The following SPEF2 variants were observed in gnomAD, a reference collection of about 807,000 sequenced individuals.
The protein encoded by SPEF2 is sperm flagellar and cilia associated 2.
Under a neutral mutation model 224.6 loss-of-function variants are expected in SPEF2, and 187 were observed. The ratio of observed to expected loss-of-function variants is 0.83; its 90% CI spans 0.74 to 0.94. SPEF2 has a LOEUF of 0.94. SPEF2 is among the 40% of genes least tolerant of loss of function. The pLI, the probability that SPEF2 is intolerant of heterozygous loss-of-function variation, is 0.00. For missense variants in SPEF2, 2,170 were observed against 2,135.6 expected, an observed-to-expected ratio of 1.02 and a Z score of -0.32; for synonymous variants, 715 against 707.3, an observed-to-expected ratio of 1.01 and a Z score of -0.17.
In SPEF2 at chr5:35,663,977, C is replaced by A. The variant is rs575156219; in HGVS notation, c.1168-3095C>A. Among the ~76,000 whole-genome samples, 12 of 152,272 alleles carry A rather than the reference C, an allele frequency of 7.9e-5. No homozygotes were observed. The East Asian group carries it at 2.3e-3, about 29-fold the overall frequency. On this transcript the variant is annotated intron_variant, in intron 8 of 36. Coordinates refer to ENST00000356031, the MANE Select transcript of SPEF2 (RefSeq NM_024867.4). ...CCTCTGAGGCTTCATTGCCCCCCTT[C>A]ATTTTCATTGCCTGGGTTCTGGCCA...
chr5:35,802,737 A>G (rs1757595183), intron 34 of SPEF2, among the ~76,000 whole-genome samples: 1 of 152,204 alleles, frequency 6.6e-6, no homozygotes, highest in Non-Finnish European at 1.5e-5. Context: ...TGCTCTGAGA[A>G]CTAGGGCTAG....
intron 2 of SPEF2, among the ~76,000 whole-genome samples, chr5:35,629,381 T>C (rs553205831): frequency 6.6e-6 from 1 of 151,924 alleles, no homozygotes; most frequent in Non-Finnish European, 1.5e-5. Context: ...ATGGTCTCGA[T>C]CTCCTGACCT....
At position 35,671,148 on chromosome 5, in the gene SPEF2, A is replaced by G. The variant is rs1467635082; in HGVS notation, c.1524+921A>G. 3 of 985,414 alleles carry G rather than the reference A, an allele frequency of 3.0e-6. No individual in the cohort carries two copies. In the African/African-American group the frequency reaches 5.2e-5, roughly 17 times the overall value. 61.0% of individuals were successfully genotyped at this position (985,414 alleles called of 1,614,324 possible). ...AGTGCAACATGAAAAAAATCTATGA[A>G]AAGATTATTTGACCTAATTATTCAC... On this transcript the variant is annotated intron_variant, in intron 10 of 36. Coordinates refer to ENST00000356031, the MANE Select transcript of SPEF2 (RefSeq NM_024867.4).
intron 2 of SPEF2, among the ~76,000 whole-genome samples, chr5:35,637,941 C>G (rs1475121482): frequency 6.6e-6 from 1 of 152,138 alleles, no homozygotes; most frequent in African/African-American, 2.4e-5. Flanking sequence ...TTATGACTTG[C>G]ACGTAACCAG....
At chr5:35,742,151 C>T (rs1460459729) in intron 23 of SPEF2, among the ~76,000 whole-genome samples, 1 of 152,150 alleles carries the variant, frequency 6.6e-6, no homozygotes, top group Non-Finnish European at 1.5e-5. Flanking sequence ...TCATCTACAA[C>T]ATCATTTTTA....
intron 10 of SPEF2, among the ~76,000 whole-genome samples, chr5:35,686,159 A>G (rs376356633): frequency 1.3e-5 from 2 of 152,146 alleles, no homozygotes; most frequent in African/African-American, 4.8e-5. Context: ...TTTTGAGGAG[A>G]CTTATGTGAT....
intron 30 of SPEF2, among the ~76,000 whole-genome samples, chr5:35,784,980 T>C (rs1056867402): frequency 4.6e-5 from 7 of 152,186 alleles, no homozygotes; most frequent in African/African-American, 1.4e-4. Flanking sequence ...TATGGATTTT[T>C]CCAGGCTTAG....
At chr5:35,632,907 C>G (rs1745329836) in intron 2 of SPEF2, 2 of 152,234 alleles carry the variant, frequency 1.3e-5, no homozygotes, top group African/African-American at 4.8e-5. Flanking sequence ...ATTACATCGT[C>G]ATTGGACAAC....
At chr5:35,741,559 A>G (rs1747643377) in intron 23 of SPEF2, among the ~76,000 whole-genome samples, 1 of 152,160 alleles carries the variant, frequency 6.6e-6, no homozygotes, top group Non-Finnish European at 1.5e-5. Flanking sequence ...GAATATAGCT[A>G]TTGATCTGAG....
intron 36 of SPEF2, among the ~76,000 whole-genome samples, chr5:35,811,836 A>G (rs1758554889): frequency 7.4e-6 from 1 of 134,380 alleles, no homozygotes; most frequent in Non-Finnish European, 1.5e-5. Context: ...GGATTGCTGG[A>G]TTCAGTGGTG....
rs368989931 is a variant in SPEF2, at chr5:35,670,148, C to T, written c.1445C>T (p.Pro482Leu). ...GAACAAGCCTCTGTTAAGACACTAC[C>T]TGCTAACCCCTCAAGAGAACAACTT... ...IYEQASVKTLPANPSREQLTE... is the reference protein window; with the variant it reads ...IYEQASVKTLLANPSREQLTE... Residue 482 changes from proline to leucine, a missense_variant, in exon 10 of 37, where the codon CCT (proline) becomes CTT (leucine). Physicochemically the swap from Pro to Leu is moderately conservative, Grantham distance 98. Coordinates refer to ENST00000356031, the MANE Select transcript of SPEF2 (RefSeq NM_024867.4). 1.2e-6 allele frequency: 2 copies of T among 1,612,324 alleles called. No homozygotes were observed. The highest frequency in any genetic ancestry group is 1.7e-6 in the Non-Finnish European group (2 of 1,178,904).
At chr5:35,776,524 C>A in intron 29 of SPEF2, 129 bp downstream of exon 29, 1 of 875,714 alleles carries the variant, frequency 1.1e-6, no homozygotes, top group Non-Finnish European at 1.7e-6. Context: ...TAGGAAATCA[C>A]GTGTATAAAC....
chr5:35,697,824 A>G, intron 15 of SPEF2, 31 bp downstream of exon 15: 1 of 1,465,370 alleles, frequency 6.8e-7, no homozygotes. Context: ...CCTCTCATCT[A>G]TTTAATATAT....
At chr5:35,626,370 G>A (rs1208776067) in intron 1 of SPEF2, among the ~76,000 whole-genome samples, 1 of 152,104 alleles carries the variant, frequency 6.6e-6, no homozygotes, top group Non-Finnish European at 1.5e-5. Context: ...TCTGTTTGTG[G>A]AAAAGCTTAC....
chr5:35,686,809 T>A (rs1162014933), intron 10 of SPEF2, among the ~76,000 whole-genome samples: 1 of 152,144 alleles, frequency 6.6e-6, no homozygotes, highest in Non-Finnish European at 1.5e-5. Context: ...CTGTTATTTT[T>A]ATTTTTCTGA....
chr5:35,693,536 G>A (rs974131893), intron 12 of SPEF2, among the ~76,000 whole-genome samples: 1 of 152,128 alleles, frequency 6.6e-6, no homozygotes, highest in Non-Finnish European at 1.5e-5. Context: ...GGGTGAATAG[G>A]AAAATGTAGC....
rs35129181 is a variant in SPEF2 at position 35,674,337 on chromosome 5, C to CTTT, written c.1524+4128_1524+4130dup. 8.3e-3 allele frequency among the ~76,000 whole-genome samples: 779 copies of CTTT among 94,366 alleles called. 6 individuals are homozygous for CTTT. Among genetic ancestry groups the CTTT allele is most frequent in the African/African-American group, 0.03 (733 of 24,256 alleles). 61.9% of individuals were successfully genotyped at this position (94,366 alleles called of 152,430 possible). A position where few individuals can be genotyped will look rare whatever the true frequency, so the allele number is the denominator to read the frequency against. On this transcript the variant is annotated intron_variant, in intron 10 of 36. Transcript: ENST00000356031. ...GAGTGAGCTCTTCTCTTTTCGTCTT[C>CTTT]TTTTTTTTTTTTTTTTTTTTGGTGT...
chr5:35,619,811 A>G (rs1053135246), intron 1 of SPEF2, among the ~76,000 whole-genome samples: 4 of 152,210 alleles, frequency 2.6e-5, no homozygotes, highest in Non-Finnish European at 5.9e-5. Context: ...TAAAATAAAA[A>G]CAGTAGATGC....
chr5:35,751,025 GTATATATATACACATA>G lies in SPEF2; in HGVS notation c.3331-2597_3331-2582del, dbSNP rs1561304792. On this transcript the variant is annotated intron_variant, in intron 23 of 36. Coordinates refer to ENST00000356031, the MANE Select transcript of SPEF2 (RefSeq NM_024867.4). ...TATATATATATACGTATATATATACGTATATATATACACATATGTATATATATATACGTATATATAT... is the reference window on the plus strand; with the variant it reads ...TATATATATATACGTATATATATACGTGTATATATATATACGTATATATAT... Among the ~76,000 whole-genome samples the G allele has an allele frequency of 5.8e-5, 4 of 68,746 alleles. No homozygotes were observed. In the East Asian group the frequency reaches 1.0e-3, roughly 17 times the overall value. The allele number at this position is 68,746 out of a possible 152,430, so 45.1% of individuals were successfully genotyped here. A position where few individuals can be genotyped will look rare whatever the true frequency, so the allele number is the denominator to read the frequency against.
Sources: gnomAD v4.1 joint callset for allele counts (sites outside exome capture counted in the v4.1 genomes callset) on GRCh38, gnomAD v4.1.1 for gene constraint, MANE v1.5 for transcripts, NCBI Gene and HGNC (gene_info 2026-07-23, HGNC 2026-07-21) for gene names.